COL6A6: variants seen among roughly 807,000 people sequenced by gnomAD.
The protein encoded by COL6A6 is collagen alpha-6(VI) chain.
Under a neutral mutation model 208.6 loss-of-function variants are expected in COL6A6, and 183 were observed. The ratio of observed to expected loss-of-function variants is 0.88; its 90% confidence interval spans 0.78 to 0.99. The LOEUF is 0.99. COL6A6 is among the 50% of genes least tolerant of loss of function. COL6A6 has a pLI of 0.00. For synonymous variants in COL6A6, 973 were observed against 1,011.8 expected, an observed-to-expected ratio of 0.96 and a Z score of 0.73; for missense variants, 2,816 against 2,815.2, an observed-to-expected ratio of 1.00 and a Z score of -0.01.
intron 32 of COL6A6, among the ~76,000 whole-genome samples, chr3:130,646,824 T>C (rs998011483): frequency 2.0e-5 from 3 of 151,876 alleles, no homozygotes; most frequent in Non-Finnish European, 4.4e-5. Context: ...TATTAAAGAG[T>C]ATGTTGAAAG....
intron 18 of COL6A6, among the ~76,000 whole-genome samples, chr3:130,595,648 C>T (rs1053721842): frequency 6.6e-6 from 1 of 152,114 alleles, no homozygotes; most frequent in Non-Finnish European, 1.5e-5. Context: ...CATTCAATTT[C>T]GTGGCTGCAT....
intron 1 of COL6A6, among the ~76,000 whole-genome samples, chr3:130,536,667 C>G (rs1039950623): frequency 3.3e-5 from 5 of 152,100 alleles, no homozygotes; most frequent in Non-Finnish European, 7.4e-5. Flanking sequence ...ACAAGCATGT[C>G]CTGTTCAAGG....
chr3:130,627,295 G>A, intron 25 of COL6A6, 24 bp from the exon 26 acceptor site: 2 of 1,607,714 alleles, frequency 1.2e-6, no homozygotes, highest in Non-Finnish European at 1.7e-6. Flanking sequence ...CTGGGATGTT[G>A]GTAATCAATT....
rs1232246821 is a variant in COL6A6 at position 130,676,598 on chromosome 3, G to A, written c.*1201G>A. ...GAAAGAAGCCCTGCCTGGATGCATG[G>A]AGCAGATGGATACTGACACCAAGGA... On this transcript the variant is annotated 3_prime_UTR_variant, in exon 37 of 37. Transcript: ENST00000358511. 1.3e-5 allele frequency: 2 copies of A among 152,208 alleles called. No individual in the cohort carries two copies. Among genetic ancestry groups the A allele is most frequent in the African/African-American group, 4.8e-5 (2 of 41,454 alleles). The allele number at this position is 152,208 out of a possible 1,614,324, so 9.4% of individuals were successfully genotyped here.
chr3:130,657,472 G>A (rs185097489), intron 33 of COL6A6, among the ~76,000 whole-genome samples: 68 of 152,308 alleles, frequency 4.5e-4, no homozygotes, highest in Admixed American at 2.7e-3. Flanking sequence ...GACTGATTAC[G>A]GTTCGGGCTT....
At chr3:130,549,200 C>T (rs914259442) in intron 1 of COL6A6, among the ~76,000 whole-genome samples, 37 of 152,114 alleles carry the variant, frequency 2.4e-4, no homozygotes, top group Non-Finnish European at 4.7e-4. Context: ...GACAAGGTCT[C>T]ACTTTGTCAT....
chr3:130,665,552 T>C (rs939836211), intron 36 of COL6A6, among the ~76,000 whole-genome samples: 1 of 152,252 alleles, frequency 6.6e-6, no homozygotes, highest in Admixed American at 6.5e-5. Context: ...GGAGTCATCT[T>C]GATGGGATTC....
chr3:130,621,912 G>T, intron 24 of COL6A6, 29 bp downstream of exon 24: 1 of 1,590,752 alleles, frequency 6.3e-7, no homozygotes, highest in Non-Finnish European at 8.6e-7. Context: ...ACTCACCAAA[G>T]TTGAGGTTTT....
chr3:130,661,564 G>A (rs2065931765), intron 34 of COL6A6, 73 bp from the exon 35 acceptor site: 2 of 1,252,618 alleles, frequency 1.6e-6, no homozygotes, highest in African/African-American at 1.5e-5. Context: ...GTTTCCAAAT[G>A]TCAAAATATT....
intron 23 of COL6A6, among the ~76,000 whole-genome samples, chr3:130,613,894 A>G (rs1039326591): frequency 3.3e-5 from 5 of 152,188 alleles, no homozygotes; most frequent in African/African-American, 1.2e-4. Flanking sequence ...AAAGTTGTTT[A>G]TCAGATCAAG....
At chr3:130,598,674 G>A (rs1480577848) in intron 19 of COL6A6, among the ~76,000 whole-genome samples, 1 of 152,142 alleles carries the variant, frequency 6.6e-6, no homozygotes, top group Admixed American at 6.5e-5. Context: ...CATCCTCGAG[G>A]TCTTCATGAA....
chr3:130,628,337 TTTATAA>T (rs2064952632), intron 26 of COL6A6, among the ~76,000 whole-genome samples: 1 of 152,224 alleles, frequency 6.6e-6, no homozygotes, highest in Admixed American at 6.5e-5. Flanking sequence ...GTATATGAAG[TTTATAA>T]TTATGTAAAT....
At chr3:130,667,938 T>C (rs574467828) in intron 36 of COL6A6, among the ~76,000 whole-genome samples, 2 of 150,614 alleles carry the variant, frequency 1.3e-5, no homozygotes, top group Non-Finnish European at 3.0e-5. Context: ...AAGAAAAATA[T>C]AAATTAGCTA....
intron 24 of COL6A6, 109 bp downstream of exon 24, chr3:130,621,992 G>A: frequency 2.2e-6 from 2 of 928,310 alleles, no homozygotes; most frequent in Non-Finnish European, 3.4e-6. Flanking sequence ...CACATTTTCT[G>A]GTCCTTAAAC....
chr3:130,543,513 T>A (rs2062422851), intron 1 of COL6A6, among the ~76,000 whole-genome samples: 1 of 152,186 alleles, frequency 6.6e-6, no homozygotes, highest in Non-Finnish European at 1.5e-5. Flanking sequence ...TTACACTTCC[T>A]TTTTTTACGC....
chr3:130,592,814 A>C (rs762566993), intron 15 of COL6A6, 92 bp downstream of exon 15: 8 of 1,266,384 alleles, frequency 6.3e-6, no homozygotes, highest in Non-Finnish European at 8.9e-6. Context: ...TATACAAATA[A>C]AGTTGTCATT....
rs752049202 is a variant in COL6A6 at position 130,608,763 on chromosome 3, CTTTTTTTTTTTTTTT to C, written c.4690-126_4690-112del. The C allele has an allele frequency of 1.0e-4, 31 of 310,146 alleles. 3 individuals are homozygous for C. In the Middle Eastern group the frequency reaches 1.8e-3, roughly 18 times the overall value. 19.2% of individuals were successfully genotyped at this position (310,146 alleles called of 1,614,324 possible). Reference sequence around the variant, plus strand: ...CTTTGTATTTGCATTTATTTTTCACCTTTTTTTTTTTTTTTTTTTTTTTTTTTGCAAAGATCCTGC... The same window carrying C: ...CTTTGTATTTGCATTTATTTTTCACCTTTTTTTTTTTTGCAAAGATCCTGC... On this transcript the variant is annotated intron_variant, in intron 21 of 36. Coordinates refer to ENST00000358511, the MANE Select transcript of COL6A6 (RefSeq NM_001102608.3).
chr3:130,594,237 AAAACTTCT>A, intron 17 of COL6A6, 36 bp from the exon 18 acceptor site: 1 of 1,405,108 alleles, frequency 7.1e-7, no homozygotes, highest in Non-Finnish European at 1.0e-6. Context: ...TAATTTTATT[AAAACTTCT>A]TGTCTTGTTT....
At chr3:130,612,966 G>C (rs1257625311) in intron 23 of COL6A6, among the ~76,000 whole-genome samples, 2 of 152,124 alleles carry the variant, frequency 1.3e-5, no homozygotes, top group African/African-American at 2.4e-5. Flanking sequence ...CTCCCATTCT[G>C]TATGTTGTCT....
Sources: gnomAD v4.1 joint callset for allele counts (sites outside exome capture counted in the v4.1 genomes callset) on GRCh38, gnomAD v4.1.1 for gene constraint, MANE v1.5 for transcripts, NCBI Gene and HGNC (gene_info 2026-07-23, HGNC 2026-07-21) for gene names.